CDC14A: variants seen among roughly 807,000 people sequenced by gnomAD.
The protein encoded by CDC14A is dual specificity protein phosphatase CDC14A.
A neutral mutation model predicts 74.4 loss-of-function variants in CDC14A; 53 were observed. The ratio of observed to expected loss-of-function variants is 0.71; its 90% CI spans 0.57 to 0.89. The LOEUF (loss-of-function observed/expected upper bound fraction) is 0.89, where lower values mean the gene tolerates loss of function less well. Among genes scored for constraint, CDC14A ranks in the 40% least tolerant of loss-of-function variants. The pLI is 0.00. For missense variants in CDC14A, 646 were observed against 713.7 expected (o/e 0.91, Z 1.08); for synonymous variants, 247 against 258.4 (o/e 0.96, Z 0.43).
At chr1:100,387,988 C>T (rs1657111686) in intron 3 of CDC14A, among the ~76,000 whole-genome samples, 1 of 152,130 alleles carries the variant, frequency 6.6e-6, no homozygotes, top group African/African-American at 2.4e-5. Flanking sequence ...TAACCAATAG[C>T]AGTAGTTTGT....
intron 4 of CDC14A, among the ~76,000 whole-genome samples, chr1:100,392,159 G>C (rs1297121668): frequency 6.6e-6 from 1 of 152,148 alleles, no homozygotes; most frequent in Non-Finnish European, 1.5e-5. Context: ...CCAGGCTATT[G>C]CTTTTATTTT....
Position 100,508,936 on chromosome 1 carries a change from C to T in CDC14A, c.1756-9315C>T, listed in dbSNP as rs1644383061. 6.6e-6 allele frequency among the ~76,000 whole-genome samples: 1 copy of T among 152,130 alleles called. No individual in the cohort carries two copies. Among genetic ancestry groups the T allele is most frequent in the Non-Finnish European group, 1.5e-5 (1 of 68,016 alleles). On this transcript the variant is annotated intron_variant, in intron 15 of 15. Coordinates refer to ENST00000336454, the MANE Select transcript of CDC14A (RefSeq NM_003672.4). This position sits in a 1 kb window ranked among gnomAD's most constrained non-coding sequence, Gnocchi z 4.4. ...TTTAAAAAATATTTAATGCATGCAT[C>T]CAGAGGGTAGTTTGGAGTGTACCAT...
Position 100,352,835 on chromosome 1 carries a change from G to C in CDC14A, c.-120G>C. On this transcript the variant is annotated 5_prime_UTR_variant, in exon 1 of 16. Coordinates refer to ENST00000336454, the MANE Select transcript of CDC14A (RefSeq NM_003672.4). ...GCCTTCGGCGCCTGCTGCCTCCCTC[G>C]GCCAGGCTTGTTGTTCGGGACTGTG... The C allele has an allele frequency of 2.0e-6, 3 of 1,519,440 alleles. No homozygotes were observed. Among genetic ancestry groups the C allele is most frequent in the Non-Finnish European group, 2.6e-6 (3 of 1,138,016 alleles). 94.1% of individuals were successfully genotyped at this position (1,519,440 alleles called of 1,614,324 possible).
At position 100,439,912 on chromosome 1, in the gene CDC14A, G is replaced by T; in HGVS notation, c.390-20G>T. On this transcript the variant is annotated intron_variant, in intron 5 of 15. Transcript: ENST00000336454. ...GTTCTAAATGCAAGTTTTTAATGTT[G>T]AGTTTATTTATGTTTATAGGGATGC... 1 of 1,576,298 alleles carries T rather than the reference G, an allele frequency of 6.3e-7. No individual in the cohort carries two copies. Among genetic ancestry groups the T allele is most frequent in the South Asian group, 1.1e-5 (1 of 89,756 alleles).
intron 2 of CDC14A, among the ~76,000 whole-genome samples, chr1:100,355,321 GGTT>G (rs1204979118): frequency 4.6e-5 from 7 of 152,156 alleles, no homozygotes; most frequent in African/African-American, 1.4e-4. Context: ...ACAGTACAGT[GGTT>G]GTTAATATGT....
intron 2 of CDC14A, among the ~76,000 whole-genome samples, chr1:100,369,578 A>G (rs1429390589): frequency 6.6e-6 from 1 of 151,752 alleles, no homozygotes; most frequent in African/African-American, 2.4e-5. Context: ...TAATGGGGTT[A>G]TTTTTCTCTT....
intron 15 of CDC14A, among the ~76,000 whole-genome samples, chr1:100,515,647 A>T (rs924066290): frequency 4.6e-5 from 7 of 151,978 alleles, no homozygotes; most frequent in African/African-American, 1.7e-4. Context: ...GGCCTCCCAA[A>T]GTGCTGGGAT....
Position 100,455,398 on chromosome 1 carries a change from C to T in CDC14A, c.520-7C>T. ...TTTTCTTCTCTTTTCTTACAAAATT[C>T]TGCCAGCGAGTTGAAAATGGTGACT... On this transcript the variant is annotated splice_polypyrimidine_tract_variant and splice_region_variant and intron_variant, in intron 7 of 15. Transcript: ENST00000336454. 6.3e-7 allele frequency: 1 copy of T among 1,582,876 alleles called. No individual in the cohort carries two copies. The highest frequency in any genetic ancestry group is 8.6e-7 in the Non-Finnish European group (1 of 1,159,924).
chr1:100,369,387 G>A (rs1331537562), intron 2 of CDC14A, among the ~76,000 whole-genome samples: 6 of 152,164 alleles, frequency 3.9e-5, no homozygotes, highest in African/African-American at 1.2e-4. Context: ...AATTACAGGC[G>A]TGAGCCACTG....
In CDC14A at chr1:100,494,996, C is replaced by G. The variant is rs373232805; in HGVS notation, c.1250+66C>G. The G allele has an allele frequency of 6.3e-6, 5 of 799,484 alleles. No individual in the cohort carries two copies. The African/African-American group carries it at 8.8e-5, about 14-fold the overall frequency. 49.5% of individuals were successfully genotyped at this position (799,484 alleles called of 1,614,324 possible). ...CTTTGTGAATAGAACATTTCATCTT[C>G]TCTTTAATCTGTAATCTTCTGTTTT... On this transcript the variant is annotated intron_variant, in intron 12 of 15. Coordinates refer to ENST00000336454, the MANE Select transcript of CDC14A (RefSeq NM_003672.4).
intron 15 of CDC14A, among the ~76,000 whole-genome samples, chr1:100,516,254 A>G (rs1650215574): frequency 6.6e-6 from 1 of 152,210 alleles, no homozygotes; most frequent in Admixed American, 6.5e-5. Context: ...AAATGAATAT[A>G]TATATGTGTG....
intron 4 of CDC14A, among the ~76,000 whole-genome samples, chr1:100,413,623 C>T (rs1661155304): frequency 6.6e-6 from 1 of 152,188 alleles, no homozygotes; most frequent in Non-Finnish European, 1.5e-5. Context: ...GAAGCAACCC[C>T]CACAAGTTTG....
chr1:100,388,859 T>G (rs1187535503), intron 3 of CDC14A, among the ~76,000 whole-genome samples: 6 of 152,118 alleles, frequency 3.9e-5, no homozygotes, highest in Admixed American at 2.6e-4. Flanking sequence ...CCTTACATAC[T>G]AATTTTTAAA....
intron 5 of CDC14A, among the ~76,000 whole-genome samples, chr1:100,433,940 T>A (rs1349710495): frequency 6.6e-6 from 1 of 152,230 alleles, no homozygotes; most frequent in East Asian, 1.9e-4. Context: ...AAGACAGTGC[T>A]GGGACACCAG....
At chr1:100,437,345 C>T (rs1454733651) in intron 5 of CDC14A, among the ~76,000 whole-genome samples, 2 of 152,136 alleles carry the variant, frequency 1.3e-5, no homozygotes, top group South Asian at 2.1e-4. Context: ...CCACATGCCA[C>T]GATTAAGCCA....
intron 13 of CDC14A, among the ~76,000 whole-genome samples, chr1:100,497,604 GGTA>G (rs1648052917): frequency 1.3e-5 from 2 of 152,192 alleles, no homozygotes; most frequent in South Asian, 4.1e-4. Context: ...CCTCGCCTAG[GGTA>G]GTTTGCAGGG....
chr1:100,382,720 A>G (rs908103768), intron 3 of CDC14A, among the ~76,000 whole-genome samples: 5 of 152,242 alleles, frequency 3.3e-5, no homozygotes, highest in Non-Finnish European at 5.9e-5. Flanking sequence ...ATTTTAAAAA[A>G]GGATTAAAGG....
At chr1:100,371,320 C>T (rs1654440563) in intron 2 of CDC14A, among the ~76,000 whole-genome samples, 1 of 152,110 alleles carries the variant, frequency 6.6e-6, no homozygotes, top group Non-Finnish European at 1.5e-5. Context: ...CTGGCTAGGA[C>T]TTCTAGTACT....
intron 2 of CDC14A, among the ~76,000 whole-genome samples, chr1:100,368,570 TGAC>T (rs759317970): frequency 7.0e-4 from 106 of 152,256 alleles, no homozygotes; most frequent in Non-Finnish European, 1.3e-3. Flanking sequence ...TGGAATTTGA[TGAC>T]GAATTCTTTT....
Sources: gnomAD v4.1 joint callset for allele counts (sites outside exome capture counted in the v4.1 genomes callset) on GRCh38, gnomAD v4.1.1 for gene constraint, Gnocchi (gnomAD v3.1) non-coding constraint, MANE v1.5 for transcripts, NCBI Gene and HGNC (gene_info 2026-07-23, HGNC 2026-07-21) for gene names.